Variants in PCDH11X observed in about 807,000 individuals in gnomAD.
PCDH11X encodes protocadherin 11 X-linked.
A neutral mutation model predicts 53.3 loss-of-function variants in PCDH11X; 18 were observed. That is an observed-to-expected ratio of 0.34 (90% CI 0.23 to 0.50). The LOEUF is 0.50. Ranked by LOEUF, PCDH11X falls within the 20% of genes least tolerant of loss-of-function variation. The probability of loss-of-function intolerance (pLI) is 0.98; values close to 1 mark genes in which losing one functional copy is unlikely to be tolerated. For synonymous variants in PCDH11X, 279 were observed against 393.3 expected, an observed-to-expected ratio of 0.71 and a Z score of 3.44; for missense variants, 570 against 1,032.4, an observed-to-expected ratio of 0.55 and a Z score of 6.14.
At chrX:92,128,101 A>G (rs949516238) in intron 6 of PCDH11X, among the ~76,000 whole-genome samples, 2 of 111,959 alleles carry the variant, frequency 1.8e-5, no homozygotes, top group Admixed American at 1.9e-4. Flanking sequence ...TCACCAATGG[A>G]TGCAAGTAAG....
chrX:92,307,301 T>G, intron 8 of PCDH11X, among the ~76,000 whole-genome samples: 1 of 110,330 alleles, frequency 9.1e-6, no homozygotes, highest in Non-Finnish European at 1.9e-5. Context: ...ACAAGGATGT[T>G]TCAGTGTATT....
At chrX:92,262,870 CT>C in intron 7 of PCDH11X, 1 of 209,032 alleles carries the variant, frequency 4.8e-6, no homozygotes, top group Non-Finnish European at 7.1e-6. Context: ...TTGTATGTGG[CT>C]CTTCATATTT....
At chrX:92,536,606 C>T (rs1319034097) in intron 10 of PCDH11X, among the ~76,000 whole-genome samples, 2 of 108,310 alleles carry the variant, frequency 1.8e-5, no homozygotes, top group Non-Finnish European at 3.8e-5. Context: ...TCCCTGTTCT[C>T]CACAACCTCT....
chrX:92,090,446 C>A (rs1261041197), intron 6 of PCDH11X, among the ~76,000 whole-genome samples: 1 of 111,328 alleles, frequency 9.0e-6, no homozygotes, highest in African/African-American at 3.3e-5. Flanking sequence ...CAGATTCCTG[C>A]ATCTTAGAAA....
At chrX:92,153,862 T>G (rs2148245019) in intron 6 of PCDH11X, among the ~76,000 whole-genome samples, 1 of 110,401 alleles carries the variant, frequency 9.1e-6, no homozygotes, top group African/African-American at 3.3e-5. Flanking sequence ...GCTGTTTTAT[T>G]GCAAGTTTCT....
chrX:92,250,591 G>GTA (rs1353040434), intron 7 of PCDH11X, among the ~76,000 whole-genome samples: 2 of 52,510 alleles, frequency 3.8e-5, no homozygotes, highest in African/African-American at 9.5e-5. Context: ...AATAATGTGT[G>GTA]TATGTATATA....
chrX:92,403,977 G>A (rs3865931), intron 9 of PCDH11X, among the ~76,000 whole-genome samples: 13,301 of 109,070 alleles, frequency 0.12, 1,291 homozygotes, highest in East Asian at 0.64. Flanking sequence ...TGGTGATAGC[G>A]GCAGAATATA....
intron 8 of PCDH11X, among the ~76,000 whole-genome samples, chrX:92,348,320 A>C (rs187232906): frequency 9.1e-6 from 1 of 110,400 alleles, no homozygotes; most frequent in African/African-American, 3.3e-5. Context: ...CTTGTAAGCC[A>C]AAGGCTGTGT....
intron 6 of PCDH11X, among the ~76,000 whole-genome samples, chrX:92,070,948 C>T (rs777474861): frequency 7.8e-4 from 80 of 102,469 alleles, no homozygotes; most frequent in African/African-American, 2.8e-3. Flanking sequence ...TAGAGGCACG[C>T]GCCACCACAC....
chrX:92,227,834 T>C (rs1415358333), intron 7 of PCDH11X, among the ~76,000 whole-genome samples: 1 of 111,477 alleles, frequency 9.0e-6, no homozygotes, highest in Non-Finnish European at 1.9e-5. Flanking sequence ...TCATATCCAT[T>C]TAATAATGAA....
chrX:92,411,950 AGTG>A (rs1199594478), intron 9 of PCDH11X, among the ~76,000 whole-genome samples: 1 of 1,060 alleles, frequency 9.4e-4, no homozygotes, highest in East Asian at 0.026. Flanking sequence ...GAGGAGGAGG[AGTG>A]GGAGGAGGAG....
intron 8 of PCDH11X, among the ~76,000 whole-genome samples, chrX:92,318,518 T>A (rs1303758566): frequency 9.0e-6 from 1 of 111,003 alleles, no homozygotes; most frequent in East Asian, 2.8e-4. Flanking sequence ...GATTTGTGAT[T>A]AAAAAAAATA....
intron 8 of PCDH11X, among the ~76,000 whole-genome samples, chrX:92,280,577 T>C (rs1212735310): frequency 1.8e-5 from 2 of 110,028 alleles, no homozygotes; most frequent in Admixed American, 2.0e-4. Context: ...AATATATCTC[T>C]GTCATTAACT....
chrX:92,458,850 T>C lies in PCDH11X; in HGVS notation c.3344-9449T>C, dbSNP rs775087503. Among the ~76,000 whole-genome samples, 596 of 107,802 alleles carry C rather than the reference T, an allele frequency of 5.5e-3. 8 individuals carry two copies. The highest frequency in any genetic ancestry group is 0.019 in the African/African-American group (573 of 29,609). 93.6% of individuals were successfully genotyped at this position (107,802 alleles called of 115,157 possible). Reference sequence around the variant, plus strand: ...TGCAAAATAAACACGGGAGTGCAGATATCTCTTTGATATACTGATTTTCTT... The same window carrying C: ...TGCAAAATAAACACGGGAGTGCAGACATCTCTTTGATATACTGATTTTCTT... On this transcript the variant is annotated intron_variant, in intron 9 of 10. Transcript: ENST00000682573.
chrX:92,448,833 T>C (rs2072716370), intron 9 of PCDH11X, among the ~76,000 whole-genome samples: 1 of 111,527 alleles, frequency 9.0e-6, no homozygotes, highest in Admixed American at 9.5e-5. Context: ...TAACTTCTTA[T>C]AGCCGAAATT....
chrX:92,461,710 G>A (rs1340265228), intron 9 of PCDH11X, among the ~76,000 whole-genome samples: 3 of 110,850 alleles, frequency 2.7e-5, no homozygotes, highest in Non-Finnish European at 3.8e-5. Context: ...TGGACAAATG[G>A]GATCACAGCA....
At chrX:92,459,858 C>T (rs191733014) in intron 9 of PCDH11X, 4 of 1,114,203 alleles carry the variant, frequency 3.6e-6, no homozygotes, top group African/African-American at 1.8e-5. Context: ...GGGGCCTGGC[C>T]GCGGGGATGG....
intron 6 of PCDH11X, among the ~76,000 whole-genome samples, chrX:92,148,130 CTTT>C (rs781341114): frequency 1.9e-3 from 12 of 6,253 alleles, no homozygotes; most frequent in East Asian, 0.018. Flanking sequence ...TTCTTTCTTT[CTTT>C]TTCCTTCCTT....
chrX:92,015,907 A>G (rs1383624975), intron 6 of PCDH11X, among the ~76,000 whole-genome samples: 3 of 112,033 alleles, frequency 2.7e-5, no homozygotes, highest in African/African-American at 9.7e-5. Flanking sequence ...GATTCATCAG[A>G]CAAATCACTA....
Sources: allele counts gnomAD v4.1 joint callset (sites outside exome capture counted in the v4.1 genomes callset), GRCh38; gene constraint gnomAD v4.1.1; transcripts MANE v1.5; gene names NCBI Gene and HGNC (gene_info 2026-07-23, HGNC 2026-07-21).